The following INTS8 variants were observed in gnomAD, a reference collection of about 807,000 sequenced individuals.
The protein encoded by INTS8 is protein kaonashi-1.
Under a neutral mutation model 138.9 loss-of-function variants are expected in INTS8, and 47 were observed. The ratio of observed to expected loss-of-function variants is 0.34; its 90% CI spans 0.27 to 0.43. The LOEUF (loss-of-function observed/expected upper bound fraction) is 0.43, where lower values mean the gene tolerates loss of function less well. Ranked by LOEUF, INTS8 falls within the 20% of genes least tolerant of loss-of-function variation. INTS8 has a pLI of 1.00. For synonymous variants in INTS8, 392 were observed against 400.9 expected (o/e 0.98, Z 0.27); for missense variants, 996 against 1,173.0 (o/e 0.85, Z 2.20).
chr8:94,826,052 T>TA (rs1259182033), intron 2 of INTS8, among the ~76,000 whole-genome samples: 2 of 152,230 alleles, frequency 1.3e-5, no homozygotes, highest in African/African-American at 4.8e-5. Flanking sequence ...TTTTCACTGA[T>TA]ATAAATCACA....
rs370139745 is a variant in INTS8, at chr8:94,827,219, C to T, written c.306-44C>T. On this transcript the variant is annotated intron_variant, in intron 2 of 26. Transcript: ENST00000523731. ...GGAATTTTGTATGTATTTTGTGTTTCTTTCACAATTAATGTGCAAACATGT... is the reference window on the plus strand; with the variant it reads ...GGAATTTTGTATGTATTTTGTGTTTTTTTCACAATTAATGTGCAAACATGT... 7 of 1,572,404 alleles carry T rather than the reference C, an allele frequency of 4.5e-6. No homozygotes were observed. The African/African-American group carries it at 9.5e-5, about 21-fold the overall frequency.
chr8:94,869,141 C>T (rs1194601965), intron 20 of INTS8, among the ~76,000 whole-genome samples: 1 of 152,026 alleles, frequency 6.6e-6, no homozygotes, highest in Non-Finnish European at 1.5e-5. Flanking sequence ...TGCCACCACA[C>T]TGGGTAAATT....
chr8:94,867,019 G>A, intron 18 of INTS8, 121 bp from the exon 19 acceptor site: 1 of 767,918 alleles, frequency 1.3e-6, no homozygotes, highest in Non-Finnish European at 2.1e-6. Flanking sequence ...TGCTAAAACA[G>A]ATGCTACATT....
intron 10 of INTS8, among the ~76,000 whole-genome samples, chr8:94,847,414 G>A (rs529780100): frequency 1.3e-5 from 2 of 152,068 alleles, no homozygotes; most frequent in Non-Finnish European, 2.9e-5. Flanking sequence ...TTATAAATAA[G>A]TTGAGGCATC....
intron 26 of INTS8, among the ~76,000 whole-genome samples, chr8:94,878,404 G>A (rs1816644747): frequency 6.6e-6 from 1 of 152,152 alleles, no homozygotes; most frequent in African/African-American, 2.4e-5. Context: ...GATGTTAAGA[G>A]TCTTGGGAAT....
intron 15 of INTS8, among the ~76,000 whole-genome samples, chr8:94,858,122 T>G (rs1030700832): frequency 7.2e-5 from 11 of 152,224 alleles, no homozygotes; most frequent in African/African-American, 2.7e-4. Flanking sequence ...CATAAATCTT[T>G]CTTAGTTAAA....
At chr8:94,856,698 T>C (rs1209708681) in intron 14 of INTS8, 79 bp from the exon 15 acceptor site, 8 of 1,138,002 alleles carry the variant, frequency 7.0e-6, no homozygotes, top group Non-Finnish European at 1.1e-5. Context: ...CCTTCTCCTC[T>C]TTGCTCTGTC....
At chr8:94,826,197 A>G (rs369425023) in intron 2 of INTS8, among the ~76,000 whole-genome samples, 4 of 152,382 alleles carry the variant, frequency 2.6e-5, no homozygotes, top group African/African-American at 9.6e-5. Flanking sequence ...ATTGCATTCC[A>G]AAAGAGTTTA....
Position 94,873,662 on chromosome 8 carries a change from T to G in INTS8, c.2637+185T>G, listed in dbSNP as rs533023030. 8.1e-4 allele frequency: 437 copies of G among 537,252 alleles called. 2 individuals are homozygous for G. The South Asian group carries it at 0.01, about 13-fold the overall frequency. The allele number at this position is 537,252 out of a possible 1,614,324, so 33.3% of individuals were successfully genotyped here. A position where few individuals can be genotyped will look rare whatever the true frequency, so the allele number is the denominator to read the frequency against. On this transcript the variant is annotated intron_variant, in intron 22 of 26. Transcript: ENST00000523731. ...TTCTAGCACCTATTGCTGTCTTGAT[T>G]CCCCCAAAACACCTCAAATTCAACT...
Position 94,880,042 on chromosome 8 carries a change from T to C in INTS8, c.2872-76T>C, listed in dbSNP as rs1452298785. 3 of 917,958 alleles carry C rather than the reference T, an allele frequency of 3.3e-6. No homozygotes were observed. In the African/African-American group the frequency reaches 5.0e-5, roughly 15 times the overall value. 56.9% of individuals were successfully genotyped at this position (917,958 alleles called of 1,614,324 possible). On this transcript the variant is annotated intron_variant, in intron 26 of 26. Coordinates refer to ENST00000523731, the MANE Select transcript of INTS8 (RefSeq NM_017864.4). ...AACTGTATCGTTGTTAGCACGTAGGTAGCTTTATATTACTTGTACCAACAA... is the reference window on the plus strand; with the variant it reads ...AACTGTATCGTTGTTAGCACGTAGGCAGCTTTATATTACTTGTACCAACAA...
In INTS8 at chr8:94,874,614, A is replaced by T; in HGVS notation, c.2688+12A>T. The T allele has an allele frequency of 6.7e-7, 1 of 1,496,996 alleles. No homozygotes were observed. 92.7% of individuals were successfully genotyped at this position (1,496,996 alleles called of 1,614,324 possible). ...ATTGCCACACACAGGTTAGTTTATA[A>T]TATTATGAAGTTGTTTTATTTTTAC... On this transcript the variant is annotated intron_variant, in intron 23 of 26. Transcript: ENST00000523731.
chr8:94,861,011 G>C (rs1331786349), intron 16 of INTS8, among the ~76,000 whole-genome samples: 3 of 148,644 alleles, frequency 2.0e-5, no homozygotes, highest in African/African-American at 5.0e-5. Flanking sequence ...GAGCCGAGAT[G>C]GCGCCACTGC....
rs1055163112 is a variant in INTS8 at position 94,838,184 on chromosome 8, T to C, written c.862-279T>C. Reference sequence around the variant, plus strand: ...CTCCTACCTCAGCCTCCCGAGTAGCTGGGACTACAGGTGCCCGCCACCATG... The same window carrying C: ...CTCCTACCTCAGCCTCCCGAGTAGCCGGGACTACAGGTGCCCGCCACCATG... On this transcript the variant is annotated intron_variant, in intron 7 of 26. Transcript: ENST00000523731. Among the ~76,000 whole-genome samples the C allele has an allele frequency of 2.6e-5, 4 of 151,968 alleles. No individual in the cohort carries two copies. The East Asian group carries it at 7.7e-4, about 29-fold the overall frequency.
At chr8:94,865,887 T>G (rs964406176) in intron 17 of INTS8, among the ~76,000 whole-genome samples, 197 bp downstream of exon 17, 1 of 152,226 alleles carries the variant, frequency 6.6e-6, no homozygotes, top group African/African-American at 2.4e-5. Context: ...AAAGATCTTT[T>G]GTTTATATGT....
Position 94,841,590 on chromosome 8 carries a change from G to T in INTS8, c.1117G>T (p.Gly373Ter). 1 of 1,509,804 alleles carries T rather than the reference G, an allele frequency of 6.6e-7. No individual in the cohort carries two copies. Among genetic ancestry groups the T allele is most frequent in the Middle Eastern group, 1.7e-4 (1 of 5,818 alleles). 93.5% of individuals were successfully genotyped at this position (1,509,804 alleles called of 1,614,324 possible). The change falls in exon 9 of 27, where the codon GGA becomes TGA. Residue 373 changes from glycine (G) to a stop codon, truncating the protein, a stop_gained and splice_region_variant. Transcript: ENST00000523731. LOFTEE classifies it high-confidence loss of function. ...LRELFKKAQQ[G>*]NEALDEICFK... ...AGAACTCTTTAAGAAAGCTCAACAGGGGTAAGTAAGTTGAAAAATTACTTC... is the reference window on the plus strand; with the variant it reads ...AGAACTCTTTAAGAAAGCTCAACAGTGGTAAGTAAGTTGAAAAATTACTTC...
At chr8:94,862,127 T>G (rs1402490496) in intron 16 of INTS8, among the ~76,000 whole-genome samples, 2 of 151,074 alleles carry the variant, frequency 1.3e-5, no homozygotes, top group East Asian at 4.0e-4. Context: ...GTTTTGTATT[T>G]TTAATAGAGA....
Position 94,871,983 on chromosome 8 carries a change from C to A in INTS8, c.2514C>A (p.Ile838=). 1 of 1,550,066 alleles carries A rather than the reference C, an allele frequency of 6.5e-7. No homozygotes were observed. The highest frequency in any genetic ancestry group is 8.9e-7 in the Non-Finnish European group (1 of 1,124,552). Residue 838 remains isoleucine (I), a synonymous_variant, in exon 21 of 27, where the codon ATC becomes ATA. Transcript: ENST00000523731. ...CAAATAACCATTCTTGGTTAATTAT[C>A]CAGGCAGATATTTACTTTGGTAAGT... ...INPNNHSWLI[I]QADIYFATNQ...
intron 8 of INTS8, among the ~76,000 whole-genome samples, chr8:94,839,358 T>G (rs780809187): frequency 6.6e-6 from 1 of 152,210 alleles, no homozygotes; most frequent in Non-Finnish European, 1.5e-5. Context: ...GCTTTTAAAG[T>G]CTTTATTGGA....
chr8:94,867,521 CTTTTTTTT>C (rs35100522), intron 20 of INTS8, 184 bp downstream of exon 20: 22 of 239,252 alleles, frequency 9.2e-5, no homozygotes, highest in South Asian at 1.3e-4. Context: ...AGGCATAACC[CTTTTTTTT>C]TTTTTTTTTT....
Sources: gnomAD v4.1 joint callset for allele counts (sites outside exome capture counted in the v4.1 genomes callset) on GRCh38, gnomAD v4.1.1 for gene constraint, MANE v1.5 for transcripts, NCBI Gene and HGNC (gene_info 2026-07-23, HGNC 2026-07-21) for gene names.